The following ITPR2 variants were observed in gnomAD, a reference collection of about 807,000 sequenced individuals.
ITPR2 encodes the protein inositol 1,4,5-trisphosphate receptor type 2.
ITPR2 carries 207 observed loss-of-function variants against 317.1 expected under a neutral mutation model. The observed-to-expected ratio is 0.65, with a 90% CI of 0.58 to 0.73. The LOEUF is 0.73. Among genes scored for constraint, ITPR2 ranks in the 30% least tolerant of loss-of-function variants. The probability of loss-of-function intolerance (pLI) is 0.00; values close to 1 mark genes in which losing one functional copy is unlikely to be tolerated. For missense variants in ITPR2, 2,613 were observed against 3,284.0 expected (o/e 0.80, Z 4.99); for synonymous variants, 1,156 against 1,149.1 (o/e 1.01, Z -0.12).
chr12:26,690,400 G>C (rs968349359), intron 10 of ITPR2, among the ~76,000 whole-genome samples: 1 of 152,176 alleles, frequency 6.6e-6, no homozygotes, highest in Non-Finnish European at 1.5e-5. Flanking sequence ...TCCTTAAAAG[G>C]AGTATGTGTC....
At chr12:26,755,162 C>T (rs1017246889) in intron 2 of ITPR2, among the ~76,000 whole-genome samples, 1 of 152,104 alleles carries the variant, frequency 6.6e-6, no homozygotes, top group African/African-American at 2.4e-5. Context: ...TCATTGTATG[C>T]CACAAAGCTA....
chr12:26,802,879 G>A (rs868737808), intron 1 of ITPR2, among the ~76,000 whole-genome samples: 1 of 151,988 alleles, frequency 6.6e-6, no homozygotes, highest in East Asian at 1.9e-4. Flanking sequence ...TACTGAAAGG[G>A]CAAACTGACA....
In ITPR2 at chr12:26,595,478, A is replaced by G; in HGVS notation, c.4367T>C (p.Val1456Ala). ...HIWKLFENFL[V>A]DMARVCNTTT... ...AATCTAACTTACCCTTGCCATATCC[A>G]CCAAGAAGTTCTCAAATAATTTCCA... The change falls in exon 32 of 57, where the codon GTG becomes GCG. Residue 1456 changes from valine to alanine, a missense_variant. By Grantham distance (64) the Val-to-Ala change is moderately conservative (BLOSUM62 0). Transcript: ENST00000381340. 2.5e-6 allele frequency: 4 copies of G among 1,607,306 alleles called. No individual in the cohort carries two copies. In the South Asian group the frequency reaches 4.5e-5, roughly 18 times the overall value.
At chr12:26,809,140 C>A (rs1950689356) in intron 1 of ITPR2, among the ~76,000 whole-genome samples, 1 of 152,194 alleles carries the variant, frequency 6.6e-6, no homozygotes, top group Non-Finnish European at 1.5e-5. Context: ...TGATACTGAT[C>A]AGATTCCTCT....
intron 2 of ITPR2, among the ~76,000 whole-genome samples, chr12:26,771,403 A>T (rs1233563299): frequency 2.0e-5 from 3 of 152,228 alleles, no homozygotes; most frequent in East Asian, 3.8e-4. Context: ...AGAGCTGCCA[A>T]GATGGTCCCG....
intron 37 of ITPR2, among the ~76,000 whole-genome samples, chr12:26,548,642 G>GTGT (rs1159504862): frequency 6.6e-6 from 1 of 152,128 alleles, no homozygotes; most frequent in Non-Finnish European, 1.5e-5. Flanking sequence ...CAACTCTTCT[G>GTGT]TGAGGGCTAT....
Position 26,655,692 on chromosome 12 carries a change from T to C in ITPR2, c.2589+16A>G. 2 of 1,608,172 alleles carry C rather than the reference T, an allele frequency of 1.2e-6. No homozygotes were observed. Among genetic ancestry groups the C allele is most frequent in the Non-Finnish European group, 1.7e-6 (2 of 1,175,774 alleles). ...CCAGTTACCAAAACATCCTAAATAT[T>C]AGAGGGACAAAGTACCTCAAATGTC... On this transcript the variant is annotated intron_variant, in intron 20 of 56. Transcript: ENST00000381340.
intron 1 of ITPR2, among the ~76,000 whole-genome samples, chr12:26,829,990 G>A (rs894212342): frequency 1.3e-4 from 20 of 152,262 alleles, no homozygotes; most frequent in African/African-American, 3.6e-4. Flanking sequence ...TGCAACCTCC[G>A]CCTCCCAGGT....
At chr12:26,400,007 T>C (rs1356883827) in intron 53 of ITPR2, 121 bp downstream of exon 53, 51 of 1,014,688 alleles carry the variant, frequency 5.0e-5, no homozygotes, top group Non-Finnish European at 6.9e-5. Context: ...GCCATGGTTA[T>C]ACTTTTAAAG....
intron 34 of ITPR2, among the ~76,000 whole-genome samples, chr12:26,570,766 A>T (rs1335570941): frequency 6.6e-6 from 1 of 152,206 alleles, no homozygotes; most frequent in Non-Finnish European, 1.5e-5. Flanking sequence ...TCAAAGTCCT[A>T]TACTTCTACC....
At chr12:26,454,214 T>C (rs1433666904) in intron 45 of ITPR2, among the ~76,000 whole-genome samples, 1 of 152,308 alleles carries the variant, frequency 6.6e-6, no homozygotes, top group East Asian at 1.9e-4. Context: ...TGCTTGTTTG[T>C]TTGTTTTTTG....
At chr12:26,685,165 C>T (rs1948103461) in intron 11 of ITPR2, among the ~76,000 whole-genome samples, 1 of 152,202 alleles carries the variant, frequency 6.6e-6, no homozygotes, top group African/African-American at 2.4e-5. Flanking sequence ...AAGCACAATA[C>T]TGCTCCATCA....
chr12:26,704,129 G>A (rs1407751873), intron 9 of ITPR2, among the ~76,000 whole-genome samples: 1 of 152,112 alleles, frequency 6.6e-6, no homozygotes, highest in Non-Finnish European at 1.5e-5. Context: ...CACAATTTAA[G>A]TTGCTACACA....
intron 37 of ITPR2, among the ~76,000 whole-genome samples, chr12:26,505,717 A>G (rs139032955): frequency 7.2e-4 from 110 of 152,226 alleles, no homozygotes; most frequent in African/African-American, 2.5e-3. Flanking sequence ...TTGGCTGACC[A>G]TTGATTCCAA....
intron 26 of ITPR2, among the ~76,000 whole-genome samples, chr12:26,605,095 A>AT (rs939872236): frequency 4.5e-5 from 5 of 111,352 alleles, no homozygotes; most frequent in Admixed American, 1.8e-4. Flanking sequence ...CTCAAAAAAA[A>AT]AAAAAATAAA....
intron 32 of ITPR2, among the ~76,000 whole-genome samples, chr12:26,587,122 C>T (rs965682386): frequency 6.6e-6 from 1 of 150,530 alleles, no homozygotes; most frequent in African/African-American, 2.4e-5. Flanking sequence ...GTTTTCAAAT[C>T]CACTTTTAAA....
At chr12:26,462,128 T>C (rs1942048929) in intron 45 of ITPR2, among the ~76,000 whole-genome samples, 3 of 135,088 alleles carry the variant, frequency 2.2e-5, no homozygotes, top group Admixed American at 1.5e-4. Flanking sequence ...ACCTACATGA[T>C]TCCATGGGCT....
chr12:26,362,656 T>G (rs1344758571), intron 55 of ITPR2, among the ~76,000 whole-genome samples: 1 of 152,198 alleles, frequency 6.6e-6, no homozygotes, highest in Non-Finnish European at 1.5e-5. Flanking sequence ...CCTCATAAAC[T>G]GCTCTTCTGC....
At chr12:26,579,558 C>G (rs1037269549) in intron 33 of ITPR2, among the ~76,000 whole-genome samples, 1 of 151,978 alleles carries the variant, frequency 6.6e-6, no homozygotes, top group Non-Finnish European at 1.5e-5. Context: ...TTTTTAATTA[C>G]TATATAATAA....
Sources: gnomAD v4.1 joint callset for allele counts (sites outside exome capture counted in the v4.1 genomes callset) on GRCh38, gnomAD v4.1.1 for gene constraint, MANE v1.5 for transcripts, NCBI Gene and HGNC (gene_info 2026-07-23, HGNC 2026-07-21) for gene names.